Variants in NEDD4 observed in about 807,000 individuals in gnomAD.
The protein encoded by NEDD4 is NEDD4 E3 ubiquitin protein ligase, also known as E3 ubiquitin-protein ligase NEDD4.
NEDD4 carries 99 observed loss-of-function variants against 144.9 expected under a neutral mutation model. The observed-to-expected ratio is 0.68, with a 90% CI of 0.58 to 0.81. The LOEUF is 0.81. Among genes scored for constraint, NEDD4 ranks in the 30% least tolerant of loss-of-function variants. The probability of loss-of-function intolerance (pLI) is 0.00; values close to 1 mark genes in which losing one functional copy is unlikely to be tolerated. For missense variants in NEDD4, 985 were observed against 1,065.9 expected (o/e 0.92, Z 1.06); for synonymous variants, 318 against 350.6 (o/e 0.91, Z 1.04).
chr15:55,965,538 C>T (rs1342801326), intron 2 of NEDD4, among the ~76,000 whole-genome samples: 2 of 152,132 alleles, frequency 1.3e-5, no homozygotes, highest in African/African-American at 4.8e-5. Flanking sequence ...AGCTCTTCAG[C>T]TCTCTCTCTT....
rs10718511 is a variant in NEDD4, at chr15:55,951,594, TAAA to T, written c.120-8_120-6del. ...GTCACTCTCACGTAAGGATCACTGT[TAAA>T]AAAAAAAAAAAAAAGAAAGAAAAAT... is the stretch of plus-strand genomic sequence containing the variant. On this transcript the variant is annotated splice_region_variant and splice_polypyrimidine_tract_variant and intron_variant, in intron 2 of 28. Transcript: ENST00000435532. 7.8e-3 allele frequency: 8,991 copies of T among 1,155,296 alleles called. No homozygotes were observed. The highest frequency in any genetic ancestry group is 0.017 in the South Asian group (818 of 49,246). 71.6% of individuals were successfully genotyped at this position (1,155,296 alleles called of 1,614,324 possible).
intron 1 of NEDD4, among the ~76,000 whole-genome samples, chr15:55,974,844 T>G (rs1201588574): frequency 6.7e-6 from 1 of 149,390 alleles, no homozygotes; most frequent in African/African-American, 2.5e-5. Flanking sequence ...TGAAAGCCTT[T>G]CCTCTATGAT....
chr15:55,927,090 AAAAAAAAAAG>A (rs1345634471), intron 4 of NEDD4, among the ~76,000 whole-genome samples: 1 of 150,132 alleles, frequency 6.7e-6, no homozygotes, highest in African/African-American at 2.5e-5. Flanking sequence ...AAAAAAAAAA[AAAAAAAAAAG>A]AAAGAAAGAA....
chr15:55,906,574 C>A (rs1298070039), intron 5 of NEDD4, among the ~76,000 whole-genome samples: 3 of 149,040 alleles, frequency 2.0e-5, no homozygotes, highest in Non-Finnish European at 3.0e-5. Flanking sequence ...TAGGTGGGAA[C>A]TGAACAATGA....
chr15:55,986,583 T>A (rs2037896646), intron 1 of NEDD4, among the ~76,000 whole-genome samples: 1 of 77,302 alleles, frequency 1.3e-5, no homozygotes, highest in East Asian at 5.7e-4. Context: ...GTCCTTGCTT[T>A]TTTTTTTTTT....
intron 2 of NEDD4, among the ~76,000 whole-genome samples, chr15:55,953,205 G>A (rs1178389228): frequency 6.6e-6 from 1 of 151,960 alleles, no homozygotes; most frequent in East Asian, 1.9e-4. Context: ...GGCCAGGATG[G>A]TCTTGAACTC....
At chr15:55,841,355 C>T (rs1370302096) in intron 19 of NEDD4, among the ~76,000 whole-genome samples, 1 of 152,158 alleles carries the variant, frequency 6.6e-6, no homozygotes, top group Non-Finnish European at 1.5e-5. Context: ...ATGAGCTGGT[C>T]ACAAAAAGAC....
intron 3 of NEDD4, 44 bp from the exon 4 acceptor site, chr15:55,951,458 TATAAAA>T (rs1429036379): frequency 5.8e-6 from 8 of 1,373,628 alleles, no homozygotes; most frequent in Non-Finnish European, 7.9e-6. Context: ...GGTTTTGTCT[TATAAAA>T]ATAAAACAAA....
At chr15:55,991,195 T>G (rs1016221532) in intron 1 of NEDD4, among the ~76,000 whole-genome samples, 1 of 152,240 alleles carries the variant, frequency 6.6e-6, no homozygotes, top group Non-Finnish European at 1.5e-5. Context: ...GCACTTTACT[T>G]TTAATCAACA....
chr15:55,840,754 T>A, intron 19 of NEDD4, 27 bp from the exon 20 acceptor site: 1 of 1,585,802 alleles, frequency 6.3e-7, no homozygotes, highest in Non-Finnish European at 8.6e-7. Flanking sequence ...ATTTAAATAC[T>A]TCATTTGAAA....
chr15:55,891,256 A>G (rs1327408887), intron 5 of NEDD4, among the ~76,000 whole-genome samples: 1 of 152,220 alleles, frequency 6.6e-6, no homozygotes, highest in African/African-American at 2.4e-5. Flanking sequence ...CAATATTTGA[A>G]AAATGAAAAA....
chr15:55,909,874 G>C (rs915247143), intron 5 of NEDD4, among the ~76,000 whole-genome samples: 1 of 152,098 alleles, frequency 6.6e-6, no homozygotes, highest in Non-Finnish European at 1.5e-5. Flanking sequence ...ATTTTGTCTC[G>C]TCTTATTTTT....
At chr15:55,851,517 C>T (rs182308464) in intron 13 of NEDD4, among the ~76,000 whole-genome samples, 1,791 of 151,652 alleles carry the variant, frequency 0.012, 18 homozygotes, top group Non-Finnish European at 0.018. Context: ...GCTCTTGTTG[C>T]CCAGGCTGGA....
chr15:55,877,169 C>A (rs2035023670), intron 5 of NEDD4, among the ~76,000 whole-genome samples: 1 of 152,166 alleles, frequency 6.6e-6, no homozygotes, highest in Non-Finnish European at 1.5e-5. Context: ...AGACTTGACT[C>A]AAAATTCACC....
chr15:55,902,296 A>G (rs1289007592), intron 5 of NEDD4, among the ~76,000 whole-genome samples: 1 of 152,218 alleles, frequency 6.6e-6, no homozygotes, highest in African/African-American at 2.4e-5. Flanking sequence ...AAAGAGATGT[A>G]TCCATCTTGA....
At position 55,951,481 on chromosome 15, in the gene NEDD4, T is replaced by TA. The variant is rs1444587386; in HGVS notation, c.198+29dup. The TA allele has an allele frequency of 2.7e-6, 4 of 1,466,442 alleles. No homozygotes were observed. In the African/African-American group the frequency reaches 5.8e-5, roughly 21 times the overall value. The allele number at this position is 1,466,442 out of a possible 1,614,324, so 90.8% of individuals were successfully genotyped here. On this transcript the variant is annotated intron_variant, in intron 3 of 28. Transcript: ENST00000435532. ...CTTATAAAAATAAAACAAAGTACAT[T>TA]AAAAACTTTTGAATATTGCTAAGTC...
At position 55,958,983 on chromosome 15, in the gene NEDD4, AT is replaced by A. The variant is rs373175029; in HGVS notation, c.120-7395del. ...AAATAACAAGCTTTTGATTACAATA[AT>A]TTTTTTTCTACCATTGTCCACTTTC... On this transcript the variant is annotated intron_variant, in intron 2 of 28. Transcript: ENST00000435532. 4.9e-4 allele frequency among the ~76,000 whole-genome samples: 74 copies of A among 150,098 alleles called. 1 individual carries two copies. Among genetic ancestry groups the A allele is most frequent in the African/African-American group, 1.8e-3 (74 of 40,902 alleles).
chr15:55,918,574 T>C (rs1180808512), intron 5 of NEDD4, among the ~76,000 whole-genome samples: 13 of 132,774 alleles, frequency 9.8e-5, no homozygotes, highest in African/African-American at 3.7e-4. Flanking sequence ...AAACATATAC[T>C]CATACTTTGT....
intron 5 of NEDD4, among the ~76,000 whole-genome samples, chr15:55,886,167 T>G (rs1008644638): frequency 2.0e-5 from 3 of 152,208 alleles, no homozygotes; most frequent in Non-Finnish European, 4.4e-5. Flanking sequence ...TAAGTCTATA[T>G]GCACCCAACA....
Sources: allele counts gnomAD v4.1 joint callset (sites outside exome capture counted in the v4.1 genomes callset), GRCh38; gene constraint gnomAD v4.1.1; transcripts MANE v1.5; gene names NCBI Gene and HGNC (gene_info 2026-07-23, HGNC 2026-07-21).